The following USP34 variants were observed in gnomAD, a reference collection of about 807,000 sequenced individuals.
USP34 encodes ubiquitin specific peptidase 34, also known as ubiquitin carboxyl-terminal hydrolase 34.
A neutral mutation model predicts 460.3 loss-of-function variants in USP34; 70 were observed. The observed-to-expected ratio is 0.15, with a 90% confidence interval of 0.13 to 0.19. The LOEUF (loss-of-function observed/expected upper bound fraction) is 0.19. USP34 is among the 10% of genes least tolerant of loss of function. USP34 has a pLI of 1.00. For missense variants in USP34, 3,985 were observed against 4,236.2 expected, an observed-to-expected ratio of 0.94 and a Z score of 1.65; for synonymous variants, 1,647 against 1,405.3, an observed-to-expected ratio of 1.17 and a Z score of -3.85.
intron 53 of USP34, among the ~76,000 whole-genome samples, chr2:61,238,661 T>A (rs1447446076): frequency 1.3e-5 from 2 of 152,186 alleles, no homozygotes; most frequent in East Asian, 3.8e-4. Flanking sequence ...GTATTTTACA[T>A]TTTAAATTTA....
rs770350623 is a variant in USP34 at position 61,405,657 on chromosome 2, C to T, written c.552+51G>A. ...ATATTTATCAGTAAGAAACAGACTG[C>T]GAAGTTAAGACTTGGTATTACTTAA... On this transcript the variant is annotated intron_variant, in intron 3 of 79. Transcript: ENST00000398571. The T allele has an allele frequency of 1.7e-5, 24 of 1,446,004 alleles. No homozygotes were observed. In the East Asian group the frequency reaches 3.5e-4, roughly 21 times the overall value. The allele number at this position is 1,446,004 out of a possible 1,614,324, so 89.6% of individuals were successfully genotyped here. A position where few individuals can be genotyped will look rare whatever the true frequency, so the allele number is the denominator to read the frequency against.
chr2:61,422,606 T>G (rs1161230233), intron 1 of USP34, among the ~76,000 whole-genome samples: 1 of 152,216 alleles, frequency 6.6e-6, no homozygotes, highest in Non-Finnish European at 1.5e-5. Context: ...TTCAACACAG[T>G]ATTAGAAATT....
At chr2:61,204,737 G>A (rs538796594) in intron 72 of USP34, 136 bp from the exon 73 acceptor site, 1 of 663,550 alleles carries the variant, frequency 1.5e-6, no homozygotes, top group African/African-American at 1.8e-5. Flanking sequence ...GACACGAGTA[G>A]AAATTCTGTC....
chr2:61,433,280 G>C (rs1694727168), intron 1 of USP34, among the ~76,000 whole-genome samples: 3 of 152,128 alleles, frequency 2.0e-5, no homozygotes. Flanking sequence ...CAGGGAAAAA[G>C]TAAGCAGAAG....
intron 22 of USP34, among the ~76,000 whole-genome samples, chr2:61,318,838 C>A (rs1194614471): frequency 6.6e-6 from 1 of 152,004 alleles, no homozygotes; most frequent in Non-Finnish European, 1.5e-5. Context: ...GGTGTGGGCA[C>A]CACCCCTGAA....
At chr2:61,307,152 C>T (rs1188427680) in intron 27 of USP34, among the ~76,000 whole-genome samples, 1 of 151,924 alleles carries the variant, frequency 6.6e-6, no homozygotes, top group Non-Finnish European at 1.5e-5. Flanking sequence ...AGGATGAGTC[C>T]ATGTCCTTTG....
chr2:61,232,615 C>T, intron 57 of USP34, 83 bp from the exon 58 acceptor site: 1 of 1,115,056 alleles, frequency 9.0e-7, no homozygotes, highest in Non-Finnish European at 1.3e-6. Context: ...AATTTTATTT[C>T]TAGTCAATGT....
chr2:61,263,597 T>G (rs998022040), intron 43 of USP34, among the ~76,000 whole-genome samples: 2 of 152,152 alleles, frequency 1.3e-5, no homozygotes, highest in South Asian at 2.1e-4. Context: ...TTCTCCTGCC[T>G]CAGCCTCCCA....
In USP34 at chr2:61,424,287, G is replaced by A. The variant is rs531526097; in HGVS notation, c.44-3454C>T. The stretch of plus-strand genomic sequence containing the variant: ...ATACTCTAGGCAACCATAATACAAT[G>A]TAAGTATTTGCATATCTAAACATAT... On this transcript the variant is annotated intron_variant, in intron 1 of 79. Transcript: ENST00000398571. Among the ~76,000 whole-genome samples, 136 of 152,248 alleles carry A rather than the reference G, an allele frequency of 8.9e-4. 1 individual carries two copies. The highest frequency in any genetic ancestry group is 2.6e-3 in the African/African-American group (106 of 41,542).
chr2:61,418,644 G>A (rs904752270), intron 2 of USP34, among the ~76,000 whole-genome samples: 12 of 152,098 alleles, frequency 7.9e-5, no homozygotes, highest in Non-Finnish European at 1.2e-4. Flanking sequence ...TAATTAGAAC[G>A]ACAATCTTAA....
At chr2:61,334,009 A>T (rs753319694) in intron 18 of USP34, 38 bp from the exon 19 acceptor site, 1 of 1,427,988 alleles carries the variant, frequency 7.0e-7, no homozygotes, top group Non-Finnish European at 9.5e-7. Flanking sequence ...AATTTTAGTA[A>T]TTCTTTTTAT....
intron 67 of USP34, among the ~76,000 whole-genome samples, chr2:61,219,584 T>C (rs1207754342): frequency 1.3e-5 from 2 of 151,142 alleles, no homozygotes; most frequent in African/African-American, 4.9e-5. Context: ...GGTGAAAGAA[T>C]CAGTTGAATT....
intron 20 of USP34, among the ~76,000 whole-genome samples, chr2:61,326,050 T>C (rs892900166): frequency 6.6e-6 from 1 of 152,180 alleles, no homozygotes; most frequent in South Asian, 2.1e-4. Flanking sequence ...GGGTAGGAGA[T>C]GAGTCTGAAT....
intron 5 of USP34, among the ~76,000 whole-genome samples, chr2:61,386,135 C>T (rs1301311864): frequency 6.6e-6 from 1 of 151,966 alleles, no homozygotes; most frequent in East Asian, 1.9e-4. Flanking sequence ...TATACTATGC[C>T]AAAGAGCCCA....
rs772170021 is a variant in USP34, at chr2:61,343,981, G to T, written c.2334C>A (p.Ser778Arg). The T allele has an allele frequency of 6.2e-7, 1 of 1,613,804 alleles. No homozygotes were observed. Among genetic ancestry groups the T allele is most frequent in the South Asian group, 1.1e-5 (1 of 91,066 alleles). ...TTTCTGATTTTGCACTAACCTGGGA[G>T]CTACTACAACTGACATCATCTGCAC... ...MLSADDVSCS[S>R]SQVSAKSEKN... The change falls in exon 16 of 80, where the codon AGC becomes AGA. Residue 778 changes from serine (S) to arginine (R), a missense_variant. Transcript: ENST00000398571.
At chr2:61,395,376 C>A in intron 3 of USP34, 143 bp from the exon 4 acceptor site, 1 of 617,406 alleles carries the variant, frequency 1.6e-6, no homozygotes, top group Non-Finnish European at 2.9e-6. Context: ...ATACTCCTAA[C>A]TGAAGCTAAT....
chr2:61,455,881 G>C (rs1695423294), intron 1 of USP34, among the ~76,000 whole-genome samples: 1 of 152,004 alleles, frequency 6.6e-6, no homozygotes, highest in African/African-American at 2.4e-5. Context: ...AAGAAACAAG[G>C]CATTAAGAGG....
At chr2:61,279,111 A>T (rs112288686) in intron 39 of USP34, among the ~76,000 whole-genome samples, 108 of 151,134 alleles carry the variant, frequency 7.1e-4, no homozygotes, top group Non-Finnish European at 1.3e-3. Context: ...TTTTTTTTTT[A>T]AAGTACAATG....
chr2:61,416,860 A>T, intron 2 of USP34: 2 of 551,642 alleles, frequency 3.6e-6, no homozygotes, highest in African/African-American at 2.1e-5. Flanking sequence ...TGGTATTAAG[A>T]GGGGGCAGCA....
Sources: allele counts gnomAD v4.1 joint callset (sites outside exome capture counted in the v4.1 genomes callset), GRCh38; gene constraint gnomAD v4.1.1; transcripts MANE v1.5; gene names NCBI Gene and HGNC (gene_info 2026-07-23, HGNC 2026-07-21).